Variants in RYR2 observed in about 807,000 individuals in gnomAD.
RYR2 encodes ryanodine receptor 2, also known as cardiac muscle ryanodine receptor-calcium release channel.
RYR2 carries 227 observed loss-of-function variants against 601.1 expected under a neutral mutation model. The ratio of observed to expected loss-of-function variants is 0.38; its 90% CI spans 0.34 to 0.42. The LOEUF is 0.42. Among genes scored for constraint, RYR2 ranks in the 10% least tolerant of loss-of-function variants. The pLI is 1.00. For synonymous variants in RYR2, 2,223 were observed against 2,175.1 expected (o/e 1.02, Z -0.61); for missense variants, 4,646 against 6,156.5 (o/e 0.75, Z 8.21).
intron 14 of RYR2, 35 bp from the exon 15 acceptor site, chr1:237,454,356 A>C: frequency 6.4e-7 from 1 of 1,556,998 alleles, no homozygotes; most frequent in South Asian, 1.2e-5. Flanking sequence ...ATTGTGAATC[A>C]CTGACAATAG....
intron 87 of RYR2, among the ~76,000 whole-genome samples, chr1:237,776,205 C>T (rs1047548441): frequency 2.0e-5 from 3 of 152,140 alleles, no homozygotes; most frequent in Non-Finnish European, 2.9e-5. Flanking sequence ...CACTGAACAT[C>T]GACCACAGGA....
At chr1:237,415,692 G>C (rs559094810) in intron 10 of RYR2, among the ~76,000 whole-genome samples, 1 of 152,296 alleles carries the variant, frequency 6.6e-6, no homozygotes, top group East Asian at 1.9e-4. Flanking sequence ...AGACAAGAGA[G>C]GAATGGGGAC....
rs182767586 is a variant in RYR2 at position 237,065,526 on chromosome 1, C to G, written c.48+22957C>G. On this transcript the variant is annotated intron_variant, in intron 1 of 104. Transcript: ENST00000366574. The stretch of plus-strand genomic sequence containing the variant: ...GGTCTCGAACTCCTGACATTGTGAT[C>G]CACCCACGTCAGTCTCCCAAAGTGC... Among the ~76,000 whole-genome samples the G allele has an allele frequency of 3.1e-3, 465 of 152,048 alleles. 1 individual carries two copies. Among genetic ancestry groups the G allele is most frequent in the Non-Finnish European group, 5.1e-3 (350 of 67,992 alleles).
At chr1:237,694,193 C>T (rs1687205900) in intron 63 of RYR2, among the ~76,000 whole-genome samples, 1 of 150,874 alleles carries the variant, frequency 6.6e-6, no homozygotes, top group South Asian at 2.1e-4. Flanking sequence ...ACTCGGGAGG[C>T]TGAGGCAGGA....
At chr1:237,824,358 C>T (rs897898249) in intron 101 of RYR2, among the ~76,000 whole-genome samples, 2 of 152,174 alleles carry the variant, frequency 1.3e-5, no homozygotes, top group Non-Finnish European at 2.9e-5. Flanking sequence ...CCCTGGGATG[C>T]AAGGCTGGTT....
chr1:237,665,271 T>C (rs1684206535), intron 56 of RYR2, among the ~76,000 whole-genome samples: 1 of 151,838 alleles, frequency 6.6e-6, no homozygotes, highest in South Asian at 2.1e-4. Context: ...CAGAGATGCG[T>C]GCCTGTAATC....
At chr1:237,091,464 G>A (rs1271853050) in intron 1 of RYR2, among the ~76,000 whole-genome samples, 2 of 151,466 alleles carry the variant, frequency 1.3e-5, no homozygotes, top group African/African-American at 2.4e-5. Flanking sequence ...TTGCCCCATT[G>A]CCCAGGCTGG....
chr1:237,290,940 A>C (rs1692124066), intron 2 of RYR2, among the ~76,000 whole-genome samples: 1 of 152,214 alleles, frequency 6.6e-6, no homozygotes, highest in African/African-American at 2.4e-5. Flanking sequence ...GCTGCATTCA[A>C]ATTCTTGTGC....
At chr1:237,251,185 A>AT (rs1687428957) in intron 1 of RYR2, among the ~76,000 whole-genome samples, 1 of 152,050 alleles carries the variant, frequency 6.6e-6, no homozygotes, top group African/African-American at 2.4e-5. Context: ...ACAGCCCCAG[A>AT]TATTTACTTT....
rs187962856 is a variant in RYR2 at position 237,246,247 on chromosome 1, C to T, written c.49-24250C>T. 2.5e-3 allele frequency among the ~76,000 whole-genome samples: 377 copies of T among 152,106 alleles called. 1 individual carries two copies. The highest frequency in any genetic ancestry group is 8.8e-3 in the African/African-American group (367 of 41,492). ...AGTAGCTGGGATTACAGGTGCATGC[C>T]ACCAAGCCCGGCTAATTTTTGTATT... On this transcript the variant is annotated intron_variant, in intron 1 of 104. Coordinates refer to ENST00000366574, the MANE Select transcript of RYR2 (RefSeq NM_001035.3).
At chr1:237,226,862 G>A (rs561431730) in intron 1 of RYR2, among the ~76,000 whole-genome samples, 5 of 152,124 alleles carry the variant, frequency 3.3e-5, no homozygotes, top group Admixed American at 1.3e-4. Context: ...TCCGCCTCCC[G>A]GGTTCAAGCG....
chr1:237,312,906 C>A (rs1280033107), intron 2 of RYR2, among the ~76,000 whole-genome samples: 2 of 152,106 alleles, frequency 1.3e-5, no homozygotes, highest in African/African-American at 2.4e-5. Context: ...TTTTTGTAAT[C>A]TTTCTTTTTC....
At chr1:237,297,518 T>G (rs1429541861) in intron 2 of RYR2, among the ~76,000 whole-genome samples, 1 of 152,104 alleles carries the variant, frequency 6.6e-6, no homozygotes, top group Non-Finnish European at 1.5e-5. Flanking sequence ...AATAGCTATT[T>G]CAAACAGTTT....
chr1:237,372,098 A>C (rs2149769764), intron 6 of RYR2, among the ~76,000 whole-genome samples: 1 of 152,308 alleles, frequency 6.6e-6, no homozygotes, highest in African/African-American at 2.4e-5. Flanking sequence ...AGGGCACACA[A>C]ATTTTCAATC....
chr1:237,117,463 T>C (rs1167252430), intron 1 of RYR2, among the ~76,000 whole-genome samples: 1 of 152,134 alleles, frequency 6.6e-6, no homozygotes, highest in African/African-American at 2.4e-5. Context: ...TCATTTTTTT[T>C]CTCTTTGATT....
chr1:237,487,625 C>T (rs539494544), intron 17 of RYR2, among the ~76,000 whole-genome samples: 71 of 149,418 alleles, frequency 4.8e-4, no homozygotes, highest in Non-Finnish European at 7.4e-4. Flanking sequence ...CAGGAGGCTA[C>T]GGGAGGCTAA....
intron 24 of RYR2, among the ~76,000 whole-genome samples, chr1:237,525,735 T>C (rs1667512342): frequency 6.6e-6 from 1 of 152,006 alleles, no homozygotes; most frequent in African/African-American, 2.4e-5. Flanking sequence ...ATCCCAGCAC[T>C]GTGGGAGGCC....
chr1:237,820,760 C>T (rs115261096), intron 101 of RYR2, among the ~76,000 whole-genome samples: 2,173 of 152,244 alleles, frequency 0.014, 65 homozygotes, highest in African/African-American at 0.05. Context: ...GCCCAGCACG[C>T]GAAGATCCAC....
chr1:237,074,625 T>C (rs2148349726), intron 1 of RYR2, among the ~76,000 whole-genome samples: 1 of 152,356 alleles, frequency 6.6e-6, no homozygotes, highest in South Asian at 2.1e-4. Context: ...TTATGATTAG[T>C]CAGTCACCAC....
Sources: gnomAD v4.1 joint callset for allele counts (sites outside exome capture counted in the v4.1 genomes callset) on GRCh38, gnomAD v4.1.1 for gene constraint, MANE v1.5 for transcripts, NCBI Gene and HGNC (gene_info 2026-07-23, HGNC 2026-07-21) for gene names.